The following SRP72 variants were observed in gnomAD, a reference collection of about 807,000 sequenced individuals.
SRP72 encodes signal recognition particle 72.
A neutral mutation model predicts 96.3 loss-of-function variants in SRP72; 49 were observed. That is an observed-to-expected ratio of 0.51 (90% CI 0.40 to 0.65). SRP72 has a LOEUF of 0.65. Among genes scored for constraint, SRP72 ranks in the 30% least tolerant of loss-of-function variants. The pLI is 0.00. For missense variants in SRP72, 736 were observed against 793.3 expected (o/e 0.93, Z 0.87); for synonymous variants, 267 against 275.2 (o/e 0.97, Z 0.30).
chr4:56,480,165 T>C (rs1720424811), intron 8 of SRP72, among the ~76,000 whole-genome samples: 1 of 152,196 alleles, frequency 6.6e-6, no homozygotes, highest in Non-Finnish European at 1.5e-5. Flanking sequence ...CTGTTGGCCA[T>C]TGGTATGGTA....
intron 6 of SRP72, chr4:56,477,122 C>T (rs1720258165): frequency 7.8e-6 from 1 of 127,924 alleles, no homozygotes; most frequent in African/African-American, 3.3e-5. Flanking sequence ...ATTATAGAGT[C>T]CTTATGTTTT....
intron 18 of SRP72, 107 bp downstream of exon 18, chr4:56,500,802 G>A (rs1721235807): frequency 6.2e-6 from 7 of 1,127,052 alleles, no homozygotes; most frequent in East Asian, 5.2e-5. Context: ...GAAATGTGAT[G>A]TATCTTTGAT....
intron 9 of SRP72, among the ~76,000 whole-genome samples, chr4:56,483,723 C>T (rs1040669521): frequency 6.6e-6 from 1 of 151,226 alleles, no homozygotes; most frequent in Admixed American, 6.6e-5. Flanking sequence ...ATTTATTAAA[C>T]AAGTAATTTG....
At chr4:56,471,635 T>G (rs1312639044) in intron 2 of SRP72, 85 bp from the exon 3 acceptor site, 2 of 1,479,362 alleles carry the variant, frequency 1.4e-6, no homozygotes, top group South Asian at 1.3e-5. Context: ...CAGGACTAAA[T>G]CCAGTGTTTA....
intron 5 of SRP72, among the ~76,000 whole-genome samples, chr4:56,475,007 ATTAAT>A (rs1478028386): frequency 6.6e-6 from 1 of 152,172 alleles, no homozygotes; most frequent in Non-Finnish European, 1.5e-5. Context: ...TAAGAAAAAA[ATTAAT>A]TTATTAGAGA....
chr4:56,497,183 G>A (rs577288570), intron 17 of SRP72, among the ~76,000 whole-genome samples: 2 of 150,892 alleles, frequency 1.3e-5, no homozygotes, highest in South Asian at 2.1e-4. Context: ...ATTAATAGAT[G>A]CACTTCACTT....
In SRP72 at chr4:56,478,213, A is replaced by G. The variant is rs1578181612; in HGVS notation, c.643-166A>G. Among the ~76,000 whole-genome samples, 4 of 135,868 alleles carry G rather than the reference A, an allele frequency of 2.9e-5. No individual in the cohort carries two copies. The Admixed American group carries it at 3.1e-4, about 10-fold the overall frequency. The allele number at this position is 135,868 out of a possible 152,430, so 89.1% of individuals were successfully genotyped here. On this transcript the variant is annotated intron_variant, in intron 6 of 18. Coordinates refer to ENST00000642900, the MANE Select transcript of SRP72 (RefSeq NM_006947.4). ...AAGTTGAAGTCTTTTTGCTGTTTTC[A>G]CTTAAACTTCTCTCTTGCTGGCTGT... is the stretch of plus-strand genomic sequence containing the variant.
intron 18 of SRP72, among the ~76,000 whole-genome samples, chr4:56,500,959 C>G (rs908091475): frequency 1.3e-5 from 2 of 151,610 alleles, no homozygotes; most frequent in African/African-American, 4.9e-5. Flanking sequence ...ATAGTAAAAA[C>G]TATTATAAAA....
At chr4:56,467,803 T>C in intron 1 of SRP72, 59 bp downstream of exon 1, 1 of 1,388,084 alleles carries the variant, frequency 7.2e-7, no homozygotes, top group African/African-American at 1.5e-5. Flanking sequence ...GCGGCCTGTT[T>C]CCGGCGCGCG....
chr4:56,501,857 G>A lies in SRP72; in HGVS notation c.2012G>A (p.Trp671Ter), dbSNP rs1228698465. Residue 671 changes from tryptophan to a stop codon, truncating the protein, a stop_gained, in exon 19 of 19, where the codon TGG (tryptophan) becomes TAG (stop). Coordinates refer to ENST00000642900, the MANE Select transcript of SRP72 (RefSeq NM_006947.4). LOFTEE classifies it high-confidence loss of function. ...QKKKKGGKGG[W>*] ...AAGAAGAAAGGTGGAAAAGGTGGCT[G>A]GTGATGAGAATATTCTTGTTGCAGG... The A allele has an allele frequency of 6.2e-7, 1 of 1,614,030 alleles. No homozygotes were observed. The highest frequency in any genetic ancestry group is 1.7e-5 in the Admixed American group (1 of 59,990).
intron 17 of SRP72, among the ~76,000 whole-genome samples, chr4:56,498,693 C>A (rs897645004): frequency 2.0e-5 from 3 of 152,090 alleles, no homozygotes; most frequent in Non-Finnish European, 4.4e-5. Flanking sequence ...GAATAAAATA[C>A]CTAGGCATAC....
intron 8 of SRP72, among the ~76,000 whole-genome samples, chr4:56,481,536 A>G (rs761660330): frequency 6.1e-4 from 93 of 152,090 alleles, no homozygotes; most frequent in Non-Finnish European, 1.0e-3. Flanking sequence ...TGCTTGGCTA[A>G]GAAGAAGGGG....
chr4:56,501,550 G>T (rs1721262576), intron 18 of SRP72, 134 bp from the exon 19 acceptor site: 12 of 724,072 alleles, frequency 1.7e-5, no homozygotes, highest in Non-Finnish European at 2.7e-5. Flanking sequence ...TAGGGAGTTG[G>T]GGAGCTTACC....
intron 5 of SRP72, 173 bp from the exon 6 acceptor site, chr4:56,476,498 A>C (rs1002254065): frequency 9.2e-5 from 58 of 631,524 alleles, no homozygotes; most frequent in Non-Finnish European, 1.5e-4. Context: ...GAAAGTCAAG[A>C]GACTGATAAT....
At chr4:56,470,327 T>C (rs1418686185) in intron 2 of SRP72, among the ~76,000 whole-genome samples, 1 of 152,116 alleles carries the variant, frequency 6.6e-6, no homozygotes, top group Non-Finnish European at 1.5e-5. Context: ...GATCACGAGG[T>C]CAGGGGTTTG....
At chr4:56,497,280 C>T (rs1403562991) in intron 17 of SRP72, among the ~76,000 whole-genome samples, 4 of 149,352 alleles carry the variant, frequency 2.7e-5, no homozygotes, top group South Asian at 2.1e-4. Flanking sequence ...AGTGCAGTGG[C>T]GCTATCTCGG....
At chr4:56,500,180 C>T (rs1721212393) in intron 17 of SRP72, among the ~76,000 whole-genome samples, 1 of 151,932 alleles carries the variant, frequency 6.6e-6, no homozygotes, top group South Asian at 2.1e-4. Flanking sequence ...CACATGGACA[C>T]AGGGAGGGGA....
intron 12 of SRP72, 30 bp from the exon 13 acceptor site, chr4:56,489,358 G>T: frequency 7.6e-7 from 1 of 1,321,910 alleles, no homozygotes; most frequent in Non-Finnish European, 1.1e-6. Context: ...TGAAGGGGGA[G>T]TTCACTAATT....
chr4:56,484,689 T>C, intron 9 of SRP72, 47 bp from the exon 10 acceptor site: 1 of 1,606,738 alleles, frequency 6.2e-7, no homozygotes, highest in Non-Finnish European at 8.5e-7. Flanking sequence ...TAGTGTTTAA[T>C]TTCATTAACC....
Sources: allele counts gnomAD v4.1 joint callset (sites outside exome capture counted in the v4.1 genomes callset), GRCh38; gene constraint gnomAD v4.1.1; transcripts MANE v1.5; gene names NCBI Gene and HGNC (gene_info 2026-07-23, HGNC 2026-07-21).